FAM193A: variants seen among roughly 807,000 people sequenced by gnomAD.
FAM193A encodes protein FAM193A.
FAM193A carries 22 observed loss-of-function variants against 126.5 expected under a neutral mutation model. The observed-to-expected ratio is 0.17, with a 90% CI of 0.12 to 0.25. The LOEUF (loss-of-function observed/expected upper bound fraction) is 0.25. FAM193A is among the 10% of genes least tolerant of loss of function. FAM193A has a pLI of 1.00. For synonymous variants in FAM193A, 761 were observed against 646.8 expected, an observed-to-expected ratio of 1.18 and a Z score of -2.68; for missense variants, 1,675 against 1,672.8, an observed-to-expected ratio of 1.00 and a Z score of -0.02.
chr4:2,690,690 C>G lies in FAM193A; in HGVS notation c.2531-8C>G. The G allele has an allele frequency of 2.5e-6, 4 of 1,606,316 alleles. No homozygotes were observed. The highest frequency in any genetic ancestry group is 3.4e-6 in the Non-Finnish European group (4 of 1,176,894). On this transcript the variant is annotated splice_polypyrimidine_tract_variant and splice_region_variant and intron_variant, in intron 14 of 20. Coordinates refer to ENST00000637812, the MANE Select transcript of FAM193A (RefSeq NM_001366318.2). Reference sequence around the variant, plus strand: ...CAGAAGCCTTAATTTTCCTGTTCTTCTTTGAAGGGAGTGAAATATTAGGGC... The same window carrying G: ...CAGAAGCCTTAATTTTCCTGTTCTTGTTTGAAGGGAGTGAAATATTAGGGC...
chr4:2,710,262 C>T (rs1361609202), intron 19 of FAM193A, among the ~76,000 whole-genome samples: 2 of 149,000 alleles, frequency 1.3e-5, no homozygotes, highest in East Asian at 3.9e-4. Flanking sequence ...GCAGCCTCCA[C>T]CTCCCGGGTT....
At chr4:2,569,311 G>A (rs1437730938) in intron 1 of FAM193A, among the ~76,000 whole-genome samples, 1 of 152,110 alleles carries the variant, frequency 6.6e-6, no homozygotes, top group Non-Finnish European at 1.5e-5. Flanking sequence ...CACGTGAGGG[G>A]TTGAGAAAGT....
intron 1 of FAM193A, among the ~76,000 whole-genome samples, chr4:2,561,627 G>T (rs1347744768): frequency 6.6e-6 from 1 of 151,602 alleles, no homozygotes; most frequent in Non-Finnish European, 1.5e-5. Context: ...CTGCCGAGTA[G>T]CTGGGATTAC....
intron 7 of FAM193A, chr4:2,655,180 T>G: frequency 1.6e-6 from 1 of 635,350 alleles, no homozygotes; most frequent in Non-Finnish European, 2.9e-6. Context: ...CTTTTGATAC[T>G]TTCTAGCAAA....
chr4:2,560,275 G>T (rs891712233), intron 1 of FAM193A, among the ~76,000 whole-genome samples: 2 of 152,132 alleles, frequency 1.3e-5, no homozygotes, highest in African/African-American at 4.8e-5. Context: ...GAGTTCTTCT[G>T]TCTTTGCCTG....
intron 20 of FAM193A, among the ~76,000 whole-genome samples, chr4:2,730,250 A>G (rs1721220769): frequency 6.6e-6 from 1 of 152,224 alleles, no homozygotes; most frequent in African/African-American, 2.4e-5. Context: ...GGAAAAACCA[A>G]GAAACAAGAA....
rs1158893892 is a variant in FAM193A at position 2,631,061 on chromosome 4, T to C, written c.930T>C (p.Ser310=). The change falls in exon 5 of 21, where the codon TCT becomes TCC. Residue 310 remains serine, a synonymous_variant. Coordinates refer to ENST00000637812, the MANE Select transcript of FAM193A (RefSeq NM_001366318.2). ...CTGCGGCCAAGGTGAAGGCACCATCTGGCCTGCAGGGCCCGCCGCAAGCGC... is the reference window on the plus strand; with the variant it reads ...CTGCGGCCAAGGTGAAGGCACCATCCGGCCTGCAGGGCCCGCCGCAAGCGC... ...LSAAAKVKAP[S]GLQGPPQAHQ... 1.9e-6 allele frequency: 3 copies of C among 1,613,548 alleles called. No individual in the cohort carries two copies. The highest frequency in any genetic ancestry group is 1.7e-6 in the Non-Finnish European group (2 of 1,180,010).
rs150457084 is a variant in FAM193A at position 2,621,118 on chromosome 4, T to G, written c.502-4144T>G. Among the ~76,000 whole-genome samples the G allele has an allele frequency of 1.7e-3, 254 of 152,158 alleles. 1 individual carries two copies. The highest frequency in any genetic ancestry group is 5.9e-3 in the African/African-American group (243 of 41,514). The stretch of plus-strand genomic sequence containing the variant: ...CTCTCAGTCCCCCACACACCACTGA[T>G]GAGGAGCTGCCTCAGGGTAAGAGCA... On this transcript the variant is annotated intron_variant, in intron 2 of 20. Coordinates refer to ENST00000637812, the MANE Select transcript of FAM193A (RefSeq NM_001366318.2).
chr4:2,678,447 C>T (rs1250010792), intron 13 of FAM193A, among the ~76,000 whole-genome samples: 1 of 150,554 alleles, frequency 6.6e-6, no homozygotes, highest in African/African-American at 2.4e-5. Flanking sequence ...ACTGCACCCT[C>T]CACCACCCAG....
chr4:2,595,966 T>A (rs1740835226), intron 1 of FAM193A, 118 bp from the exon 2 acceptor site: 1 of 592,058 alleles, frequency 1.7e-6, no homozygotes, highest in African/African-American at 1.9e-5. Flanking sequence ...ATTTCCTATT[T>A]TATGTTTCTG....
At chr4:2,719,942 A>G (rs1577270509) in intron 20 of FAM193A, 2 of 306,836 alleles carry the variant, frequency 6.5e-6, no homozygotes, top group Admixed American at 3.7e-5. Context: ...AGGCACATGC[A>G]CCATGCCTGG....
chr4:2,725,428 CAACA>C, intron 20 of FAM193A, among the ~76,000 whole-genome samples: 1 of 100,012 alleles, frequency 1.0e-5, no homozygotes, highest in African/African-American at 4.2e-5. Flanking sequence ...CCAGCCTGGG[CAACA>C]GAGTAAGACC....
chr4:2,611,338 G>A (rs913386137), intron 2 of FAM193A, among the ~76,000 whole-genome samples: 2 of 151,860 alleles, frequency 1.3e-5, no homozygotes, highest in South Asian at 2.1e-4. Context: ...GCTCAATCTC[G>A]GCTCACTGCA....
intron 1 of FAM193A, among the ~76,000 whole-genome samples, chr4:2,552,849 T>TTTC (rs1433775054): frequency 3.2e-5 from 4 of 126,798 alleles, no homozygotes; most frequent in African/African-American, 1.4e-4. Flanking sequence ...AGAACTTTCT[T>TTTC]TTTTTTTTTT....
intron 1 of FAM193A, among the ~76,000 whole-genome samples, chr4:2,547,537 A>T (rs1407046911): frequency 6.6e-6 from 1 of 151,706 alleles, no homozygotes; most frequent in Non-Finnish European, 1.5e-5. Flanking sequence ...GGCGTGAGCC[A>T]CCGCACCCAG....
chr4:2,569,077 C>T (rs1356754818), intron 1 of FAM193A, among the ~76,000 whole-genome samples: 2 of 140,106 alleles, frequency 1.4e-5, no homozygotes, highest in Non-Finnish European at 3.0e-5. Flanking sequence ...TCAAGCGATT[C>T]TCCTGCCTCA....
At position 2,663,000 on chromosome 4, in the gene FAM193A, A is replaced by G. The variant is rs375457433; in HGVS notation, c.1899+9A>G. ...TGGCCCTGAAGGATGAGGTATGGACATGGCTTCTTCGTAGCAACAATAAAT... is the reference window on the plus strand; with the variant it reads ...TGGCCCTGAAGGATGAGGTATGGACGTGGCTTCTTCGTAGCAACAATAAAT... On this transcript the variant is annotated intron_variant, in intron 11 of 20. Transcript: ENST00000637812. The G allele has an allele frequency of 5.0e-6, 8 of 1,604,470 alleles. No individual in the cohort carries two copies. The African/African-American group carries it at 8.0e-5, about 16-fold the overall frequency.
At chr4:2,635,060 A>C (rs1057178196) in intron 5 of FAM193A, among the ~76,000 whole-genome samples, 4 of 152,218 alleles carry the variant, frequency 2.6e-5, no homozygotes, top group Non-Finnish European at 5.9e-5. Flanking sequence ...TGTCTCTAAA[A>C]ATAGTCATCC....
chr4:2,624,721 A>G (rs1742784388), intron 2 of FAM193A, among the ~76,000 whole-genome samples: 2 of 152,220 alleles, frequency 1.3e-5, no homozygotes, highest in Admixed American at 1.3e-4. Context: ...AAAAAAATTT[A>G]TATAGAGATG....
Sources: allele counts gnomAD v4.1 joint callset (sites outside exome capture counted in the v4.1 genomes callset), GRCh38; gene constraint gnomAD v4.1.1; transcripts MANE v1.5; gene names NCBI Gene and HGNC (gene_info 2026-07-23, HGNC 2026-07-21).